Variants in PTPN14 observed in about 807,000 individuals in gnomAD.
PTPN14 encodes tyrosine-protein phosphatase non-receptor type 14.
In PTPN14, 53 loss-of-function variants were observed where a neutral mutation model predicts 126.8. The observed-to-expected ratio is 0.42, with a 90% CI of 0.34 to 0.53. The LOEUF is 0.53. Ranked by LOEUF, PTPN14 falls within the 20% of genes least tolerant of loss-of-function variation. PTPN14 has a pLI of 0.08. For missense variants in PTPN14, 1,257 were observed against 1,552.9 expected, an observed-to-expected ratio of 0.81 and a Z score of 3.20; for synonymous variants, 630 against 599.3, an observed-to-expected ratio of 1.05 and a Z score of -0.75.
chr1:214,384,163 G>C lies in PTPN14; in HGVS notation c.1692C>G (p.Phe564Leu), dbSNP rs749502062. The change falls in exon 13 of 19, where the codon TTC (phenylalanine) becomes TTG (leucine). Residue 564 changes from phenylalanine (F) to leucine (L), a missense_variant. By Grantham distance (22) the Phe-to-Leu change is conservative. Around this residue, in one of 3 missense-constraint regions of PTPN14, gnomAD observed 1,021 missense variants for 1,183.3 expected, o/e 0.86. Coordinates refer to ENST00000366956, the MANE Select transcript of PTPN14 (RefSeq NM_005401.5). This position sits in a 1 kb window ranked among gnomAD's most constrained non-coding sequence, Gnocchi z 5.3. ...GCCGTGGGTAGGGGGGCGGTGGCCT[G>C]AAGAGATAGTTCTTAAGCATGTGGG... ...STAHMLKNYL[F>L]RPPPPYPRPR... 5 of 1,589,886 alleles carry C rather than the reference G, an allele frequency of 3.1e-6. No homozygotes were observed. Among genetic ancestry groups the C allele is most frequent in the Middle Eastern group, 1.7e-4 (1 of 5,962 alleles).
chr1:214,481,829 C>CA (rs796311046), intron 1 of PTPN14, among the ~76,000 whole-genome samples: 33 of 151,232 alleles, frequency 2.2e-4, no homozygotes, highest in East Asian at 7.8e-4. Flanking sequence ...ACTAAAAATA[C>CA]AAAAAAAATT....
At chr1:214,391,720 A>AAC (rs1553261393) in intron 10 of PTPN14, among the ~76,000 whole-genome samples, 38 of 150,542 alleles carry the variant, frequency 2.5e-4, no homozygotes, top group African/African-American at 9.3e-4. Context: ...AAAAAAAAAA[A>AAC]CCCAGGACAT....
chr1:214,410,610 A>C (rs1399971755), intron 5 of PTPN14, among the ~76,000 whole-genome samples: 1 of 152,166 alleles, frequency 6.6e-6, no homozygotes, highest in Non-Finnish European at 1.5e-5. Context: ...TCTTTAATAC[A>C]TTTTGAATTT....
intron 2 of PTPN14, among the ~76,000 whole-genome samples, chr1:214,459,898 T>G (rs1480345887): frequency 1.3e-5 from 2 of 152,218 alleles, no homozygotes; most frequent in East Asian, 3.9e-4. Context: ...CCCCACATAG[T>G]TCAAAAGAGT....
At chr1:214,472,900 A>G (rs1436588687) in intron 1 of PTPN14, among the ~76,000 whole-genome samples, 6 of 152,232 alleles carry the variant, frequency 3.9e-5, no homozygotes, top group African/African-American at 4.8e-5. Context: ...TGAGATGATA[A>G]AAAGTGTTGT....
intron 12 of PTPN14, among the ~76,000 whole-genome samples, chr1:214,385,475 AGATTTCTACAATCAGGCCCAACCTGATT>A (rs1408105250): frequency 0.048 from 7,116 of 147,282 alleles, 547 homozygotes; most frequent in African/African-American, 0.14. Flanking sequence ...GAGAAAAAGC[AGATTTCTACAATCAGGCCCAACCTGATT>A]GATTTCTACA....
At chr1:214,379,868 G>A (rs1028845572) in intron 13 of PTPN14, among the ~76,000 whole-genome samples, 4 of 152,252 alleles carry the variant, frequency 2.6e-5, no homozygotes, top group South Asian at 2.1e-4. Flanking sequence ...GCCATGCCCC[G>A]ACCACCTTGG....
chr1:214,514,132 T>C (rs889016246), intron 1 of PTPN14, among the ~76,000 whole-genome samples: 4 of 152,136 alleles, frequency 2.6e-5, no homozygotes, highest in African/African-American at 9.7e-5. Context: ...GGGGGTCTTT[T>C]ACCATCTGGA....
intron 3 of PTPN14, among the ~76,000 whole-genome samples, chr1:214,417,342 T>G (rs1184710077): frequency 6.6e-6 from 1 of 152,206 alleles, no homozygotes; most frequent in Non-Finnish European, 1.5e-5. Flanking sequence ...AAAGGCGTCC[T>G]AATAATCAGT....
At chr1:214,546,488 T>C (rs150797060) in intron 1 of PTPN14, among the ~76,000 whole-genome samples, 1 of 152,354 alleles carries the variant, frequency 6.6e-6, no homozygotes, top group East Asian at 1.9e-4. Flanking sequence ...TTTTTCCCTG[T>C]GAACGCAAAA....
intron 1 of PTPN14, among the ~76,000 whole-genome samples, chr1:214,505,785 AC>A (rs1477485692): frequency 1.3e-5 from 2 of 152,164 alleles, no homozygotes; most frequent in African/African-American, 4.8e-5. Context: ...AGTCCCAGCT[AC>A]TGGGGAGGCT....
intron 3 of PTPN14, among the ~76,000 whole-genome samples, chr1:214,432,913 C>G (rs1013099938): frequency 1.6e-4 from 24 of 152,010 alleles, no homozygotes; most frequent in African/African-American, 5.8e-4. Flanking sequence ...ATTCATTGAG[C>G]TGTACACTTT....
At chr1:214,496,925 T>C (rs1202810419) in intron 1 of PTPN14, among the ~76,000 whole-genome samples, 1 of 150,376 alleles carries the variant, frequency 6.6e-6, no homozygotes, top group Non-Finnish European at 1.5e-5. Context: ...GAAAACAAAA[T>C]CATAAAAGTG....
chr1:214,517,110 T>A (rs1020446157), intron 1 of PTPN14, among the ~76,000 whole-genome samples: 3 of 152,178 alleles, frequency 2.0e-5, no homozygotes, highest in Non-Finnish European at 4.4e-5. Flanking sequence ...ATGTAATCGG[T>A]CCTACCTCTA....
At chr1:214,401,931 C>T (rs1281063264) in intron 6 of PTPN14, among the ~76,000 whole-genome samples, 159 bp from the exon 7 acceptor site, 1 of 152,102 alleles carries the variant, frequency 6.6e-6, no homozygotes, top group East Asian at 1.9e-4. Flanking sequence ...CTAAGTAATT[C>T]ATTGACATCT....
At chr1:214,488,158 A>G (rs894081660) in intron 1 of PTPN14, among the ~76,000 whole-genome samples, 1 of 152,236 alleles carries the variant, frequency 6.6e-6, no homozygotes, top group East Asian at 1.9e-4. Context: ...CCAAACTTGA[A>G]TGAAATTTTG....
chr1:214,395,264 C>T (rs1282980676), intron 8 of PTPN14, among the ~76,000 whole-genome samples: 1 of 152,146 alleles, frequency 6.6e-6, no homozygotes, highest in Non-Finnish European at 1.5e-5. Context: ...ACTTTTACTT[C>T]TCCCTCTCCC....
chr1:214,538,765 A>G (rs546830652), intron 1 of PTPN14, among the ~76,000 whole-genome samples: 17 of 152,336 alleles, frequency 1.1e-4, no homozygotes, highest in Non-Finnish European at 2.2e-4. Flanking sequence ...AGAGGGCAGA[A>G]GGCCAGAATT....
chr1:214,386,153 G>A (rs951577758), intron 12 of PTPN14, among the ~76,000 whole-genome samples: 2 of 152,044 alleles, frequency 1.3e-5, no homozygotes, highest in African/African-American at 2.4e-5. Context: ...TTCTATAACT[G>A]TAAAATAGAA....
Sources: gnomAD v4.1 joint callset for allele counts (sites outside exome capture counted in the v4.1 genomes callset) on GRCh38, gnomAD v4.1.1 for gene constraint, gnomAD v4.1.1 regional missense constraint, Gnocchi (gnomAD v3.1) non-coding constraint, MANE v1.5 for transcripts, NCBI Gene and HGNC (gene_info 2026-07-23, HGNC 2026-07-21) for gene names.